WDR20: variants seen among roughly 807,000 people sequenced by gnomAD.
WDR20 encodes the protein WD repeat domain 20.
Under a neutral mutation model 38.7 loss-of-function variants are expected in WDR20, and 3 were observed. The observed-to-expected ratio is 0.08, with a 90% CI of 0.04 to 0.20. The LOEUF is 0.20. Ranked by LOEUF, WDR20 falls within the 10% of genes least tolerant of loss-of-function variation. The pLI is 1.00. For missense variants in WDR20, 559 were observed against 727.7 expected, an observed-to-expected ratio of 0.77 and a Z score of 2.67; for synonymous variants, 298 against 285.6, an observed-to-expected ratio of 1.04 and a Z score of -0.44.
intron 1 of WDR20, among the ~76,000 whole-genome samples, chr14:102,184,301 T>TCAGAGAATGAAGAG (rs1308517379): frequency 2.0e-5 from 3 of 152,204 alleles, no homozygotes; most frequent in Non-Finnish European, 2.9e-5. Context: ...GAGTACAGCA[T>TCAGAGAATGAAGAG]CAGAGAATGA....
intron 1 of WDR20, among the ~76,000 whole-genome samples, chr14:102,161,565 G>T (rs2058761100): frequency 6.6e-6 from 1 of 152,010 alleles, no homozygotes; most frequent in Non-Finnish European, 1.5e-5. Context: ...GCATACTTAG[G>T]AATGTTGTGG....
At chr14:102,183,951 C>G (rs2063960963) in intron 1 of WDR20, among the ~76,000 whole-genome samples, 1 of 152,164 alleles carries the variant, frequency 6.6e-6, no homozygotes, top group Non-Finnish European at 1.5e-5. Context: ...AGAATTCTAT[C>G]TTTAAAAAAC....
At chr14:102,142,507 G>A (rs1156555343) in intron 1 of WDR20, among the ~76,000 whole-genome samples, 2 of 152,070 alleles carry the variant, frequency 1.3e-5, no homozygotes, top group Non-Finnish European at 2.9e-5. Context: ...AGGCTGGAGT[G>A]CGGTGGCGTG....
chr14:102,214,157 C>T (rs578051270), downstream of WDR20: 27 of 985,596 alleles, frequency 2.7e-5, no homozygotes, highest in South Asian at 9.4e-5. Flanking sequence ...GGGTAGGGGT[C>T]GGGTGACCTG....
intron 2 of WDR20, among the ~76,000 whole-genome samples, chr14:102,201,359 T>C (rs953595992): frequency 6.6e-6 from 1 of 152,204 alleles, no homozygotes; most frequent in African/African-American, 2.4e-5. Context: ...GCTTATCATA[T>C]TGATAGTAAT....
intron 1 of WDR20, among the ~76,000 whole-genome samples, chr14:102,146,724 T>C (rs1222219041): frequency 2.6e-5 from 4 of 151,852 alleles, no homozygotes; most frequent in East Asian, 1.9e-4. Flanking sequence ...AAAAAAAATT[T>C]CCCCCCCACA....
chr14:102,160,913 A>G (rs1189437386), intron 1 of WDR20, among the ~76,000 whole-genome samples: 5 of 128,114 alleles, frequency 3.9e-5, no homozygotes, highest in African/African-American at 1.4e-4. Flanking sequence ...GCGCCACTGC[A>G]TTCCAGCCTG....
intron 2 of WDR20, chr14:102,197,692 AG>A: frequency 1.5e-6 from 1 of 648,790 alleles, no homozygotes; most frequent in Non-Finnish European, 2.8e-6. Context: ...TGACACTGGA[AG>A]ATGTGGGGGA....
In WDR20 at chr14:102,208,491, G is replaced by A; in HGVS notation, c.433-112G>A. 7.2e-7 allele frequency: 1 copy of A among 1,382,078 alleles called. No individual in the cohort carries two copies. The highest frequency in any genetic ancestry group is 9.6e-7 in the Non-Finnish European group (1 of 1,042,798). The allele number at this position is 1,382,078 out of a possible 1,614,324, so 85.6% of individuals were successfully genotyped here. ...GCTGACTGCAGGATAAAATGTGGAG[G>A]GCCTGGATAGACTTGCCCCTTCCCA... On this transcript the variant is annotated intron_variant, in intron 2 of 2. Coordinates refer to ENST00000342702, the MANE Select transcript of WDR20 (RefSeq NM_144574.4). The surrounding 1 kb of genome is among the most constrained non-coding windows in gnomAD (Gnocchi z 5.6).
Position 102,202,525 on chromosome 14 carries a change from A to AC in WDR20, c.433-6075dup, listed in dbSNP as rs36021281. On this transcript the variant is annotated intron_variant, in intron 2 of 2. Coordinates refer to ENST00000342702, the MANE Select transcript of WDR20 (RefSeq NM_144574.4). ...CACCTGAGTAGCTGGGACTACAGGC[A>AC]CCCGCCACCATGCCCAGCTAATTTT... is the stretch of plus-strand genomic sequence containing the variant. Among the ~76,000 whole-genome samples, 283 of 151,328 alleles carry AC rather than the reference A, an allele frequency of 1.9e-3. 4 individuals are homozygous for AC. The East Asian group carries it at 0.038, about 20-fold the overall frequency.
intron 1 of WDR20, among the ~76,000 whole-genome samples, chr14:102,156,774 A>T (rs1303718721): frequency 8.6e-5 from 13 of 151,926 alleles, no homozygotes; most frequent in Non-Finnish European, 1.8e-4. Context: ...AGGTGGGCGG[A>T]TTATCTGAGG....
intron 1 of WDR20, among the ~76,000 whole-genome samples, 153 bp from the exon 2 acceptor site, chr14:102,194,785 A>G (rs1422499431): frequency 6.6e-6 from 1 of 152,228 alleles, no homozygotes; most frequent in Non-Finnish European, 1.5e-5. Context: ...TGCTTTTATA[A>G]AATGTTAGAT....
At chr14:102,171,878 TTTTTA>T (rs2060889373) in intron 1 of WDR20, among the ~76,000 whole-genome samples, 1 of 151,544 alleles carries the variant, frequency 6.6e-6, no homozygotes, top group Admixed American at 6.6e-5. Context: ...ATTTTTCTGT[TTTTTA>T]TTTTTGTTTT....
At chr14:102,204,302 C>A (rs977489454) in intron 2 of WDR20, among the ~76,000 whole-genome samples, 4 of 152,156 alleles carry the variant, frequency 2.6e-5, no homozygotes, top group Non-Finnish European at 5.9e-5. Flanking sequence ...TCTTTCTGTC[C>A]TTCTGTCTTG....
In WDR20 at chr14:102,208,129, G is replaced by C. The variant is rs975712667; in HGVS notation, c.433-474G>C. On this transcript the variant is annotated intron_variant, in intron 2 of 2. Transcript: ENST00000342702. The surrounding 1 kb of genome is among the most constrained non-coding windows in gnomAD (Gnocchi z 5.6). ...ATGGAACCAGCCCATTACCTACAGT[G>C]ACAGTAAAGGCAGAGGAACCCGTGA... Among the ~76,000 whole-genome samples, 6 of 152,214 alleles carry C rather than the reference G, an allele frequency of 3.9e-5. No homozygotes were observed. Among genetic ancestry groups the C allele is most frequent in the Non-Finnish European group, 7.3e-5 (5 of 68,042 alleles).
At chr14:102,198,144 T>C (rs1197387524) in intron 2 of WDR20, among the ~76,000 whole-genome samples, 1 of 135,214 alleles carries the variant, frequency 7.4e-6, no homozygotes, top group East Asian at 2.2e-4. Context: ...TTTATTTATT[T>C]ATGAGACAGA....
downstream of WDR20, among the ~76,000 whole-genome samples, chr14:102,211,785 C>T (rs560423703): frequency 6.6e-6 from 1 of 152,338 alleles, no homozygotes; most frequent in South Asian, 2.1e-4. The surrounding 1 kb of genome is among the most constrained non-coding windows in gnomAD (Gnocchi z 4.2). Flanking sequence ...CGTTCAGTTT[C>T]AAATGCTTCT....
At chr14:102,144,959 A>G (rs779247599) in intron 1 of WDR20, among the ~76,000 whole-genome samples, 3 of 152,196 alleles carry the variant, frequency 2.0e-5, no homozygotes, top group Non-Finnish European at 1.5e-5. Context: ...TCAGCCTCCC[A>G]AAGCACTGGG....
rs11624503 is a variant in WDR20 at position 102,197,978 on chromosome 14, G to T, written c.432+2858G>T. 2,374 of 548,794 alleles carry T rather than the reference G, an allele frequency of 4.3e-3. 15 individuals are homozygous for T. Among genetic ancestry groups the T allele is most frequent in the Admixed American group, 0.016 (505 of 32,550 alleles). The allele number at this position is 548,794 out of a possible 1,614,324, so 34.0% of individuals were successfully genotyped here. ...CCTGCCCTCCTGTGACCCCTCTCAG[G>T]AGGGAAGAGAGGTATAATAGCACCA... On this transcript the variant is annotated intron_variant, in intron 2 of 2. Transcript: ENST00000342702.
Sources: gnomAD v4.1 joint callset for allele counts (sites outside exome capture counted in the v4.1 genomes callset) on GRCh38, gnomAD v4.1.1 for gene constraint, Gnocchi (gnomAD v3.1) non-coding constraint, MANE v1.5 for transcripts, NCBI Gene and HGNC (gene_info 2026-07-23, HGNC 2026-07-21) for gene names.